The following RFC5 variants were observed in gnomAD, a reference collection of about 807,000 sequenced individuals.
The protein encoded by RFC5 is A1 36 kDa subunit.
Under a neutral mutation model 44.3 loss-of-function variants are expected in RFC5, and 26 were observed. The ratio of observed to expected loss-of-function variants is 0.59; its 90% CI spans 0.43 to 0.81. The LOEUF is 0.81. Among genes scored for constraint, RFC5 ranks in the 40% least tolerant of loss-of-function variants. The pLI, the probability that RFC5 is intolerant of heterozygous loss-of-function variation, is 0.00. For synonymous variants in RFC5, 155 were observed against 155.2 expected (o/e 1.00, Z 0.01); for missense variants, 328 against 418.6 (o/e 0.78, Z 1.89).
downstream of RFC5, chr12:118,033,332 C>A (rs2031415766): frequency 6.6e-6 from 1 of 152,552 alleles, no homozygotes; most frequent in Non-Finnish European, 1.5e-5. Context: ...ATTAAGACAT[C>A]TTTGCAACTG....
intron 7 of RFC5, 81 bp from the exon 8 acceptor site, chr12:118,026,808 C>T (rs2030974644): frequency 6.6e-7 from 1 of 1,515,014 alleles, no homozygotes; most frequent in Non-Finnish European, 9.0e-7. Context: ...GCTGCCTTGG[C>T]AATTTCTTCT....
intron 6 of RFC5, chr12:118,025,423 G>A (rs1296777382): frequency 5.9e-6 from 2 of 340,166 alleles, no homozygotes; most frequent in South Asian, 1.2e-4. Flanking sequence ...TGTGAAGGAG[G>A]AGTTTCGGCT....
At chr12:118,025,337 AGAAGG>A (rs928193183) in intron 6 of RFC5, 21 of 328,860 alleles carry the variant, frequency 6.4e-5, no homozygotes, top group African/African-American at 4.2e-4. Flanking sequence ...TTTTTAGACT[AGAAGG>A]GAAGGTTCTA....
chr12:118,020,132 C>G (rs1171674354), intron 3 of RFC5, among the ~76,000 whole-genome samples: 1 of 152,234 alleles, frequency 6.6e-6, no homozygotes, highest in Non-Finnish European at 1.5e-5. Context: ...TATAAGCTCA[C>G]TTACCCTCTG....
Position 118,016,765 on chromosome 12 carries a change from A to T in RFC5, c.-63A>T. ...TCTCAGGGTCAGGTCGCGGCTGGTC[A>T]CTGTGCAGGCGCTTGGGTGACGCGA... On this transcript the variant is annotated 5_prime_UTR_variant, in exon 1 of 11. Coordinates refer to ENST00000454402, the MANE Select transcript of RFC5 (RefSeq NM_007370.7). 9 of 1,415,238 alleles carry T rather than the reference A, an allele frequency of 6.4e-6. No homozygotes were observed. Among genetic ancestry groups the T allele is most frequent in the Non-Finnish European group, 8.8e-6 (9 of 1,019,072 alleles). The allele number at this position is 1,415,238 out of a possible 1,614,324, so 87.7% of individuals were successfully genotyped here. A position where few individuals can be genotyped will look rare whatever the true frequency, so the allele number is the denominator to read the frequency against.
downstream of RFC5, chr12:118,035,353 C>A (rs752672356): frequency 6.2e-7 from 1 of 1,602,548 alleles, no homozygotes; most frequent in Non-Finnish European, 8.5e-7. Flanking sequence ...GGATGGCAGG[C>A]CTGGAGTGAT....
rs2030812984 is a variant in RFC5, at chr12:118,024,712, C to T, written c.422-139C>T. The T allele has an allele frequency of 5.6e-6, 4 of 712,568 alleles. 1 individual carries two copies. Among genetic ancestry groups the T allele is most frequent in the South Asian group, 5.4e-5 (3 of 55,570 alleles). 44.1% of individuals were successfully genotyped at this position (712,568 alleles called of 1,614,324 possible). On this transcript the variant is annotated intron_variant, in intron 5 of 10. Transcript: ENST00000454402. ...AGACGTGAGCCACTAAGCCACTACGCCCGGCCAACATCCTCACTTGTTTGC... is the reference window on the plus strand; with the variant it reads ...AGACGTGAGCCACTAAGCCACTACGTCCGGCCAACATCCTCACTTGTTTGC...
chr12:118,038,259 G>A, the RFC5 span: 1 of 1,599,650 alleles, frequency 6.3e-7, no homozygotes, highest in Admixed American at 1.7e-5. Context: ...ATGTCTCAGT[G>A]AATTAAAGCA....
rs1219915508 is a variant in RFC5, at chr12:118,022,334, G to A, written c.396G>A (p.Gln132=). Reference sequence around the variant, plus strand: ...TGGATGAAGCAGACGCCATGACTCAGGACGCCCAGAATGCCTTGAGAAGAG... The same window carrying A: ...TGGATGAAGCAGACGCCATGACTCAAGACGCCCAGAATGCCTTGAGAAGAG... The part of the protein sequence containing the change: ...VILDEADAMT[Q]DAQNALRRVI... The change falls in exon 5 of 11, where the codon CAG becomes CAA. Residue 132 remains glutamine (Q), a synonymous_variant. Coordinates refer to ENST00000454402, the MANE Select transcript of RFC5 (RefSeq NM_007370.7). 1.2e-6 allele frequency: 2 copies of A among 1,613,982 alleles called. No homozygotes were observed. The highest frequency in any genetic ancestry group is 1.7e-6 in the Non-Finnish European group (2 of 1,179,836).
At chr12:118,028,642 T>TA (rs774341657) in intron 9 of RFC5, among the ~76,000 whole-genome samples, 16,861 of 135,958 alleles carry the variant, frequency 0.12, 1,314 homozygotes, top group African/African-American at 0.24. Flanking sequence ...TTCACATTTC[T>TA]AAAAAAAAAA....
chr12:118,037,305 C>T (rs1313859968), downstream of RFC5, among the ~76,000 whole-genome samples: 1 of 152,192 alleles, frequency 6.6e-6, no homozygotes, highest in Non-Finnish European at 1.5e-5. Context: ...AAGACTGGGC[C>T]TCTGACCTAG....
At chr12:118,029,718 GT>G in intron 9 of RFC5, 52 bp from the exon 10 acceptor site, 1 of 1,225,202 alleles carries the variant, frequency 8.2e-7, no homozygotes, top group Non-Finnish European at 1.2e-6. Flanking sequence ...TCCTCTGTGG[GT>G]TTTTTGACAG....
intron 10 of RFC5, 29 bp downstream of exon 10, chr12:118,029,854 CT>C: frequency 1.4e-6 from 2 of 1,478,354 alleles, no homozygotes; most frequent in Non-Finnish European, 1.9e-6. Context: ...AGTTTTAATT[CT>C]TTTCTTCCTT....
chr12:118,031,158 T>C, intron 10 of RFC5, 24 bp from the exon 11 acceptor site: 1 of 1,564,396 alleles, frequency 6.4e-7, no homozygotes, highest in Non-Finnish European at 8.8e-7. Flanking sequence ...TCTTTTTTCT[T>C]ACCCTGTGTT....
At chr12:118,036,164 T>C, downstream of RFC5, 1 of 744,014 alleles carries the variant, frequency 1.3e-6, no homozygotes, top group Non-Finnish European at 2.1e-6. Flanking sequence ...ATTGCGCCAC[T>C]GCACTCCAGC....
chr12:118,037,678 A>G (rs1402033847), downstream of RFC5, among the ~76,000 whole-genome samples: 50 of 151,366 alleles, frequency 3.3e-4, no homozygotes, highest in Admixed American at 3.3e-4. Flanking sequence ...AAAAAAAAAA[A>G]AAAAGAAAAG....
chr12:118,025,685 C>A, intron 6 of RFC5, 62 bp from the exon 7 acceptor site: 2 of 920,582 alleles, frequency 2.2e-6, no homozygotes, highest in South Asian at 1.3e-5. Flanking sequence ...CCATCTTGTT[C>A]CTTTGGTGAA....
chr12:118,019,578 G>A lies in RFC5; in HGVS notation c.131-54G>A. ...TCAGCCCAACTCAGGAGCCCAGGGT[G>A]AATGAGGCAGCTCCCAAAGACTGAT... On this transcript the variant is annotated intron_variant, in intron 2 of 10. Coordinates refer to ENST00000454402, the MANE Select transcript of RFC5 (RefSeq NM_007370.7). The surrounding 1 kb of genome is among the most constrained non-coding windows in gnomAD (Gnocchi z 4.2). The A allele has an allele frequency of 2.3e-5, 37 of 1,608,230 alleles. No individual in the cohort carries two copies. Among genetic ancestry groups the A allele is most frequent in the Admixed American group, 3.4e-5 (2 of 59,276 alleles).
intron 4 of RFC5, 33 bp downstream of exon 4, chr12:118,021,018 A>G (rs746587494): frequency 5.0e-5 from 68 of 1,351,882 alleles, no homozygotes; most frequent in Admixed American, 2.0e-4. Context: ...CGCTCCCTTG[A>G]TTTTGATTAG....
Sources: allele counts gnomAD v4.1 joint callset (sites outside exome capture counted in the v4.1 genomes callset), GRCh38; gene constraint gnomAD v4.1.1; non-coding constraint Gnocchi (gnomAD v3.1); transcripts MANE v1.5; gene names NCBI Gene and HGNC (gene_info 2026-07-23, HGNC 2026-07-21).